Variants in SLC25A28 observed in about 807,000 individuals in gnomAD.
SLC25A28 encodes mitoferrin-2.
Under a neutral mutation model 31.9 loss-of-function variants are expected in SLC25A28, and 10 were observed. That is an observed-to-expected ratio of 0.31 (90% CI 0.19 to 0.53). SLC25A28 has a LOEUF of 0.53. Ranked by LOEUF, SLC25A28 falls within the 20% of genes least tolerant of loss-of-function variation. The pLI is 0.95. For missense variants in SLC25A28, 256 were observed against 490.3 expected, an observed-to-expected ratio of 0.52 and a Z score of 4.51; for synonymous variants, 208 against 203.6, an observed-to-expected ratio of 1.02 and a Z score of -0.19.
Position 99,611,738 on chromosome 10 carries a change from G to A in SLC25A28, c.578-372C>T, listed in dbSNP as rs539774102. 6.6e-6 allele frequency among the ~76,000 whole-genome samples: 1 copy of A among 152,080 alleles called. No individual in the cohort carries two copies. Among genetic ancestry groups the A allele is most frequent in the Non-Finnish European group, 1.5e-5 (1 of 68,030 alleles). On this transcript the variant is annotated intron_variant, in intron 3 of 3. Transcript: ENST00000370495. This position sits in a 1 kb window ranked among gnomAD's most constrained non-coding sequence, Gnocchi z 5.5. ...ATGACTCCATGATAGTGATCATCAC[G>A]AACACAGGCCCCTAACAATCCCAAT...
the SLC25A28 span, among the ~76,000 whole-genome samples, chr10:99,637,250 T>A: frequency 6.6e-6 from 1 of 151,954 alleles, no homozygotes; most frequent in Non-Finnish European, 1.5e-5. Flanking sequence ...CCTTTATGAT[T>A]AAAACTCTCA....
chr10:99,643,948 T>C, the SLC25A28 span, among the ~76,000 whole-genome samples: 29 of 152,366 alleles, frequency 1.9e-4, no homozygotes, highest in African/African-American at 6.3e-4. Context: ...TTATAATTTC[T>C]GTTCTTTTAC....
At chr10:99,655,835 C>G in the SLC25A28 span, among the ~76,000 whole-genome samples, 3 of 152,130 alleles carry the variant, frequency 2.0e-5, no homozygotes. Flanking sequence ...AGGTTGGAGC[C>G]TAGCACCCTT....
At chr10:99,625,252 G>A (rs184433332), upstream of SLC25A28, among the ~76,000 whole-genome samples, 512 of 152,146 alleles carry the variant, frequency 3.4e-3, 5 homozygotes, top group Non-Finnish European at 5.6e-3. Context: ...CAGCATGGAA[G>A]GGGACCTGAG....
intron 1 of SLC25A28, chr10:99,619,215 A>T: frequency 9.1e-6 from 9 of 985,274 alleles, no homozygotes; most frequent in Non-Finnish European, 1.1e-5. Context: ...CCTCTTGTTG[A>T]TCTCTTTCCA....
At position 99,611,916 on chromosome 10, in the gene SLC25A28, G is replaced by A. The variant is rs1259363426; in HGVS notation, c.578-550C>T. On this transcript the variant is annotated intron_variant, in intron 3 of 3. Transcript: ENST00000370495. This position sits in a 1 kb window ranked among gnomAD's most constrained non-coding sequence, Gnocchi z 5.5. The stretch of plus-strand genomic sequence containing the variant: ...TCCCACTCCCTCAAGTAGATAACAT[G>A]GTGTGAGCTCTGTGGAGCTTCAGCT... Among the ~76,000 whole-genome samples the A allele has an allele frequency of 6.6e-6, 1 of 152,220 alleles. No homozygotes were observed. The highest frequency in any genetic ancestry group is 6.5e-5 in the Admixed American group (1 of 15,284).
At chr10:99,616,107 G>GA (rs2034646360) in intron 1 of SLC25A28, 1 of 985,238 alleles carries the variant, frequency 1.0e-6, no homozygotes, top group Non-Finnish European at 1.2e-6. Flanking sequence ...GCCTTTTACA[G>GA]AAAGATGAAA....
At chr10:99,637,276 A>G in the SLC25A28 span, among the ~76,000 whole-genome samples, 5 of 152,168 alleles carry the variant, frequency 3.3e-5, no homozygotes, top group Non-Finnish European at 7.4e-5. Flanking sequence ...ATCAGCATAC[A>G]TGGGACATAC....
intron 1 of SLC25A28, chr10:99,616,885 G>T: frequency 1.1e-6 from 1 of 933,420 alleles, no homozygotes; most frequent in African/African-American, 1.8e-5. Flanking sequence ...CAGATTAAAT[G>T]AATAAATGTA....
At chr10:99,636,872 T>C in the SLC25A28 span, among the ~76,000 whole-genome samples, 18 of 152,084 alleles carry the variant, frequency 1.2e-4, no homozygotes, top group Non-Finnish European at 4.4e-5. Flanking sequence ...CAGAGAAGAA[T>C]TGGTACCAAT....
upstream of SLC25A28, chr10:99,620,755 G>A (rs960345174): frequency 1.1e-5 from 11 of 985,508 alleles, no homozygotes; most frequent in Middle Eastern, 5.2e-4. Flanking sequence ...TACTTTGACC[G>A]CGGCCATTGG....
the SLC25A28 span, among the ~76,000 whole-genome samples, chr10:99,640,715 C>T: frequency 6.6e-6 from 1 of 151,516 alleles, no homozygotes; most frequent in Non-Finnish European, 1.5e-5. Context: ...TCCCTCCCCG[C>T]TCCCGCCACC....
At chr10:99,628,292 G>C in the SLC25A28 span, among the ~76,000 whole-genome samples, 2 of 152,174 alleles carry the variant, frequency 1.3e-5, no homozygotes, top group Middle Eastern at 3.2e-3. Flanking sequence ...GTCTCGACTT[G>C]AGTTTCAATT....
chr10:99,648,165 A>AC, the SLC25A28 span, among the ~76,000 whole-genome samples: 1 of 147,754 alleles, frequency 6.8e-6, no homozygotes, highest in African/African-American at 2.5e-5. Context: ...TGCCCAGCTG[A>AC]TTTTTTTTTT....
At chr10:99,629,799 T>C in the SLC25A28 span, among the ~76,000 whole-genome samples, 1 of 152,146 alleles carries the variant, frequency 6.6e-6, no homozygotes, top group African/African-American at 2.4e-5. Flanking sequence ...ATCAGGGTGA[T>C]GAAATGAGTC....
At position 99,617,117 on chromosome 10, in the gene SLC25A28, C is replaced by T. The variant is rs567699217; in HGVS notation, c.291+2928G>A. ...TTTACCACTTCAGAGCCAACAACAG[C>T]AGCTTGATGATAGGTGGGTACTTCG... is the stretch of plus-strand genomic sequence containing the variant. On this transcript the variant is annotated intron_variant, in intron 1 of 3. Coordinates refer to ENST00000370495, the MANE Select transcript of SLC25A28 (RefSeq NM_031212.4). 3 of 985,436 alleles carry T rather than the reference C, an allele frequency of 3.0e-6. No homozygotes were observed. In the South Asian group the frequency reaches 1.4e-4, roughly 46 times the overall value. The allele number at this position is 985,436 out of a possible 1,614,324, so 61.0% of individuals were successfully genotyped here.
chr10:99,652,762 T>C, the SLC25A28 span, among the ~76,000 whole-genome samples: 1 of 152,180 alleles, frequency 6.6e-6, no homozygotes, highest in Admixed American at 6.5e-5. Context: ...CTGGTCTCTC[T>C]GAGGAGGGGC....
intron 3 of SLC25A28, among the ~76,000 whole-genome samples, chr10:99,612,286 G>A (rs888209): frequency 0.85 from 128,918 of 152,164 alleles, 54,800 homozygotes; most frequent in Middle Eastern, 0.92. Flanking sequence ...GACAAAGGAG[G>A]CTCCCAGGAA....
At chr10:99,620,850 C>G (rs2034776028), upstream of SLC25A28, 5 of 985,506 alleles carry the variant, frequency 5.1e-6, no homozygotes, top group Non-Finnish European at 6.0e-6. Flanking sequence ...CCCTCACTAG[C>G]GCCTGCAGAG....
Sources: allele counts gnomAD v4.1 joint callset (sites outside exome capture counted in the v4.1 genomes callset), GRCh38; gene constraint gnomAD v4.1.1; non-coding constraint Gnocchi (gnomAD v3.1); transcripts MANE v1.5; gene names NCBI Gene and HGNC (gene_info 2026-07-23, HGNC 2026-07-21).